Variants in POU6F2 observed in about 807,000 individuals in gnomAD.
The protein encoded by POU6F2 is POU domain, class 6, transcription factor 2.
In POU6F2, 31 loss-of-function variants were observed where a neutral mutation model predicts 71.3. That is an observed-to-expected ratio of 0.43 (90% CI 0.33 to 0.59). POU6F2 has a LOEUF of 0.59. Ranked by LOEUF, POU6F2 falls within the 20% of genes least tolerant of loss-of-function variation. The pLI is 0.04. For missense variants in POU6F2, 783 were observed against 856.8 expected, an observed-to-expected ratio of 0.91 and a Z score of 1.07; for synonymous variants, 347 against 355.7, an observed-to-expected ratio of 0.98 and a Z score of 0.27.
intron 7 of POU6F2, among the ~76,000 whole-genome samples, chr7:39,442,846 A>G (rs1290053028): frequency 6.6e-6 from 1 of 152,228 alleles, no homozygotes; most frequent in Non-Finnish European, 1.5e-5. Context: ...AACATTTAAT[A>G]TAAAGTAGCT....
intron 1 of POU6F2, among the ~76,000 whole-genome samples, chr7:39,038,825 T>G (rs1300723386): frequency 6.6e-6 from 1 of 151,962 alleles, no homozygotes; most frequent in Non-Finnish European, 1.5e-5. Context: ...CTGACTTTAG[T>G]TGTTTCTTTG....
At position 39,144,739 on chromosome 7, in the gene POU6F2, A is replaced by G. The variant is rs548858693; in HGVS notation, c.277+58708A>G. Among the ~76,000 whole-genome samples the G allele has an allele frequency of 7.9e-5, 12 of 152,318 alleles. No individual in the cohort carries two copies. In the South Asian group the frequency reaches 2.5e-3, roughly 32 times the overall value. ...TAAATGCTTACTTTTTATGTGAAAG[A>G]TCTCAGGCAAAACTGTCATTTGGTG... On this transcript the variant is annotated intron_variant, in intron 2 of 9. Transcript: ENST00000518318.
At chr7:39,020,712 T>C (rs17171519) in intron 1 of POU6F2, among the ~76,000 whole-genome samples, 49,928 of 151,872 alleles carry the variant, frequency 0.33, 8,823 homozygotes, top group East Asian at 0.73. Context: ...GCTCTTAAGA[T>C]TGCAGTTTCT....
chr7:39,374,225 A>G (rs1175407882), intron 5 of POU6F2, among the ~76,000 whole-genome samples: 1 of 152,230 alleles, frequency 6.6e-6, no homozygotes, highest in Non-Finnish European at 1.5e-5. Flanking sequence ...CACATCATTT[A>G]TGCATGTATA....
intron 4 of POU6F2, among the ~76,000 whole-genome samples, chr7:39,274,392 A>T (rs1180460616): frequency 6.7e-6 from 1 of 150,276 alleles, no homozygotes; most frequent in African/African-American, 2.4e-5. Flanking sequence ...AGGATCTGAA[A>T]TTGTGGCAAT....
intron 5 of POU6F2, among the ~76,000 whole-genome samples, chr7:39,365,606 G>C (rs945386240): frequency 1.3e-5 from 2 of 152,130 alleles, no homozygotes; most frequent in Non-Finnish European, 2.9e-5. Flanking sequence ...AACCCAGAGA[G>C]TGGGAGAAAA....
At chr7:39,303,734 A>G (rs941684178) in intron 4 of POU6F2, among the ~76,000 whole-genome samples, 1 of 152,208 alleles carries the variant, frequency 6.6e-6, no homozygotes, top group Non-Finnish European at 1.5e-5. Context: ...CAGACTTAGG[A>G]ATGGACATGC....
At chr7:39,013,504 G>GGGAGCTGTGGACT (rs1219016277) in intron 1 of POU6F2, 1 of 156,714 alleles carries the variant, frequency 6.4e-6, no homozygotes, top group Non-Finnish European at 1.4e-5. Flanking sequence ...CGCTCACGCT[G>GGGAGCTGTGGACT]GGAGCTGTGG....
At chr7:39,327,958 T>C (rs527295246) in intron 4 of POU6F2, among the ~76,000 whole-genome samples, 1 of 152,238 alleles carries the variant, frequency 6.6e-6, no homozygotes, top group East Asian at 1.9e-4. Flanking sequence ...TCTTGCTCTG[T>C]CGCCCAGGCT....
At chr7:39,155,696 C>T (rs1384265249) in intron 2 of POU6F2, among the ~76,000 whole-genome samples, 3 of 152,186 alleles carry the variant, frequency 2.0e-5, no homozygotes, top group Non-Finnish European at 4.4e-5. Context: ...AAAAGGCAAA[C>T]ATCCAATTTT....
chr7:38,988,855 C>T (rs906429326), intron 1 of POU6F2, among the ~76,000 whole-genome samples: 2 of 152,018 alleles, frequency 1.3e-5, no homozygotes, highest in Admixed American at 6.6e-5. Context: ...GAAACATGGC[C>T]GTAACATTAC....
chr7:39,275,500 T>C (rs1323116287), intron 4 of POU6F2, among the ~76,000 whole-genome samples: 9 of 152,100 alleles, frequency 5.9e-5, no homozygotes, highest in Non-Finnish European at 8.8e-5. Context: ...AGATTCAGTG[T>C]CATCCCCATC....
rs61033596 is a variant in POU6F2 at position 39,261,045 on chromosome 7, T to C, written c.598+53425T>C. On this transcript the variant is annotated intron_variant, in intron 4 of 9. Transcript: ENST00000518318. ...ACACACTACACACATACCACACATC[T>C]ACATAACACATACACACATGCACAC... Among the ~76,000 whole-genome samples, 266 of 146,836 alleles carry C rather than the reference T, an allele frequency of 1.8e-3. 1 individual carries two copies. Among genetic ancestry groups the C allele is most frequent in the African/African-American group, 6.6e-3 (259 of 39,332 alleles).
chr7:39,258,598 G>A (rs1391208753), intron 4 of POU6F2, among the ~76,000 whole-genome samples: 1 of 151,840 alleles, frequency 6.6e-6, no homozygotes, highest in Non-Finnish European at 1.5e-5. Flanking sequence ...TTCTTTCTGG[G>A]CTCAAATTAT....
intron 7 of POU6F2, among the ~76,000 whole-genome samples, chr7:39,449,983 GA>G (rs2116110648): frequency 6.6e-6 from 1 of 152,284 alleles, no homozygotes; most frequent in Non-Finnish European, 1.5e-5. Context: ...GGAGAGGAGG[GA>G]ACATTGTGGA....
chr7:39,269,986 T>G (rs1784314393), intron 4 of POU6F2, among the ~76,000 whole-genome samples: 1 of 152,220 alleles, frequency 6.6e-6, no homozygotes, highest in African/African-American at 2.4e-5. Flanking sequence ...TAGGAAGATG[T>G]TTTATCAGTA....
chr7:38,998,404 G>T (rs1479631999), intron 1 of POU6F2, among the ~76,000 whole-genome samples: 1 of 152,112 alleles, frequency 6.6e-6, no homozygotes, highest in African/African-American at 2.4e-5. Flanking sequence ...CAGTGCTCAG[G>T]TCCCAATGAA....
At chr7:38,999,323 T>G (rs542826701) in intron 1 of POU6F2, among the ~76,000 whole-genome samples, 5 of 152,258 alleles carry the variant, frequency 3.3e-5, no homozygotes, top group Non-Finnish European at 7.4e-5. Context: ...TTACACATAG[T>G]AGGCACTCAA....
chr7:39,196,270 C>T (rs1479829039), intron 2 of POU6F2, among the ~76,000 whole-genome samples: 7 of 152,128 alleles, frequency 4.6e-5, no homozygotes, highest in Admixed American at 3.9e-4. Flanking sequence ...CATACCTTGT[C>T]TCTCTATTAT....
Sources: gnomAD v4.1 joint callset for allele counts (sites outside exome capture counted in the v4.1 genomes callset) on GRCh38, gnomAD v4.1.1 for gene constraint, MANE v1.5 for transcripts, NCBI Gene and HGNC (gene_info 2026-07-23, HGNC 2026-07-21) for gene names.